Variants in ADAMTSL3 observed in about 807,000 individuals in gnomAD.
The protein encoded by ADAMTSL3 is ADAMTS like 3, also known as ADAMTS-like protein 3.
In ADAMTSL3, 128 loss-of-function variants were observed where a neutral mutation model predicts 201.7. That is an observed-to-expected ratio of 0.63 (90% CI 0.55 to 0.73). ADAMTSL3 has a LOEUF of 0.73. Ranked by LOEUF, ADAMTSL3 falls within the 30% of genes least tolerant of loss-of-function variation. The pLI, the probability that ADAMTSL3 is intolerant of heterozygous loss-of-function variation, is 0.00. For synonymous variants in ADAMTSL3, 738 were observed against 748.4 expected (o/e 0.99, Z 0.23); for missense variants, 1,990 against 2,119.6 (o/e 0.94, Z 1.20).
chr15:84,017,350 C>G (rs1257466422), intron 25 of ADAMTSL3, among the ~76,000 whole-genome samples: 2 of 152,198 alleles, frequency 1.3e-5, no homozygotes, highest in East Asian at 3.9e-4. Flanking sequence ...ATCTCCTGAC[C>G]TCGTGATCCG....
intron 8 of ADAMTSL3, among the ~76,000 whole-genome samples, chr15:83,864,520 TTATCTCAA>T (rs1447694474): frequency 2.0e-5 from 3 of 152,192 alleles, no homozygotes; most frequent in Non-Finnish European, 2.9e-5. Flanking sequence ...AACCACATGA[TTATCTCAA>T]TAGATGCAGA....
At chr15:83,827,168 A>G (rs895511791) in intron 6 of ADAMTSL3, among the ~76,000 whole-genome samples, 10 of 152,168 alleles carry the variant, frequency 6.6e-5, no homozygotes, top group African/African-American at 2.2e-4. Context: ...CCTCTCCAGC[A>G]CCTGTTGTTT....
chr15:83,919,121 G>C (rs1343812468), intron 16 of ADAMTSL3, among the ~76,000 whole-genome samples: 1 of 152,156 alleles, frequency 6.6e-6, no homozygotes, highest in East Asian at 1.9e-4. Context: ...TCCAAGTGGA[G>C]ATGCTAAGTA....
Position 83,982,484 on chromosome 15 carries a change from C to G in ADAMTSL3, c.2856C>G (p.Cys952Trp). Residue 952 changes from cysteine (C) to tryptophan (W), a missense_variant, in exon 21 of 30, where the codon TGC (cysteine) becomes TGG (tryptophan). Physicochemically the swap from Cys to Trp is radical, Grantham distance 215. Coordinates refer to ENST00000286744, the MANE Select transcript of ADAMTSL3 (RefSeq NM_207517.3). The part of the protein sequence containing the change: ...SLIQWEKDGR[C>W]LQNSKRLGIT... ...TCCAGTGGGAGAAGGATGGCCGTTG[C>G]CTGCAGAACTCCAAACGGCTTGGCA... 1 of 1,614,192 alleles carries G rather than the reference C, an allele frequency of 6.2e-7. No individual in the cohort carries two copies. Among genetic ancestry groups the G allele is most frequent in the Non-Finnish European group, 8.5e-7 (1 of 1,180,032 alleles).
At chr15:83,912,246 GT>G (rs780608795) in intron 15 of ADAMTSL3, among the ~76,000 whole-genome samples, 23 of 152,178 alleles carry the variant, frequency 1.5e-4, no homozygotes, top group Non-Finnish European at 3.2e-4. Flanking sequence ...CAGTTCTGTT[GT>G]AGCACAAAAG....
chr15:83,841,477 A>G (rs544746976), intron 7 of ADAMTSL3, among the ~76,000 whole-genome samples: 1 of 152,324 alleles, frequency 6.6e-6, no homozygotes, highest in South Asian at 2.1e-4. Context: ...TTGGATCTCT[A>G]ATTTTAAACT....
chr15:83,680,296 C>A (rs796420378), intron 2 of ADAMTSL3, among the ~76,000 whole-genome samples: 14 of 152,154 alleles, frequency 9.2e-5, no homozygotes, highest in African/African-American at 3.4e-4. Flanking sequence ...CCTAGCCAGT[C>A]TTTTCTCTTC....
At chr15:83,675,916 G>A (rs1466630509) in intron 2 of ADAMTSL3, among the ~76,000 whole-genome samples, 2 of 151,890 alleles carry the variant, frequency 1.3e-5, no homozygotes, top group Admixed American at 6.6e-5. Flanking sequence ...CCTTTTAATG[G>A]TTGCAGGATC....
chr15:83,747,001 G>A (rs919406392), intron 3 of ADAMTSL3, among the ~76,000 whole-genome samples: 4 of 152,166 alleles, frequency 2.6e-5, no homozygotes, highest in African/African-American at 7.2e-5. Flanking sequence ...TGGGGAGTGC[G>A]AATAAAAGGA....
In ADAMTSL3 at chr15:83,830,442, G is replaced by A. The variant is rs1596288302; in HGVS notation, c.601-7647G>A. 3.9e-5 allele frequency among the ~76,000 whole-genome samples: 6 copies of A among 152,282 alleles called. 1 individual carries two copies. Among genetic ancestry groups the A allele is most frequent in the Admixed American group, 3.9e-4 (6 of 15,296 alleles). ...AGTAGCGAGACCATGAAAAACGGAA[G>A]ATAAGGGCGGGTGAGCATTTAAGAA... is the stretch of plus-strand genomic sequence containing the variant. On this transcript the variant is annotated intron_variant, in intron 6 of 29. Coordinates refer to ENST00000286744, the MANE Select transcript of ADAMTSL3 (RefSeq NM_207517.3).
chr15:83,974,030 C>T (rs1567274805), intron 20 of ADAMTSL3, among the ~76,000 whole-genome samples: 1 of 152,040 alleles, frequency 6.6e-6, no homozygotes, highest in African/African-American at 2.4e-5. Flanking sequence ...AACAGCATAC[C>T]CTATAGTCCA....
intron 3 of ADAMTSL3, among the ~76,000 whole-genome samples, chr15:83,709,036 A>G (rs2061896014): frequency 6.6e-6 from 1 of 152,212 alleles, no homozygotes; most frequent in African/African-American, 2.4e-5. Context: ...ATTATCTCCT[A>G]TCCTAAAAAT....
At chr15:83,692,757 G>A (rs1596035979) in intron 2 of ADAMTSL3, among the ~76,000 whole-genome samples, 1 of 150,854 alleles carries the variant, frequency 6.6e-6, no homozygotes, top group Middle Eastern at 3.5e-3. Context: ...CAGCTCCACT[G>A]ATGTGTTCAC....
intron 27 of ADAMTSL3, 96 bp downstream of exon 27, chr15:84,025,532 G>C (rs189305833): frequency 5.8e-6 from 7 of 1,214,438 alleles, no homozygotes; most frequent in South Asian, 3.1e-5. Context: ...CTTTTGGGGC[G>C]GGGGGCAGGA....
intron 16 of ADAMTSL3, among the ~76,000 whole-genome samples, chr15:83,920,886 G>C (rs542530922): frequency 6.6e-6 from 1 of 152,202 alleles, no homozygotes; most frequent in South Asian, 2.1e-4. Context: ...CTGTTTTTGG[G>C]ATTGAGGGGG....
chr15:83,957,210 AT>A, intron 19 of ADAMTSL3, among the ~76,000 whole-genome samples: 1 of 152,240 alleles, frequency 6.6e-6, no homozygotes, highest in African/African-American at 2.4e-5. Flanking sequence ...AAAGGCACAG[AT>A]TTGGGAGAGT....
chr15:84,025,106 C>T (rs192139322), intron 26 of ADAMTSL3, 132 bp from the exon 27 acceptor site: 2 of 691,282 alleles, frequency 2.9e-6, no homozygotes, highest in Non-Finnish European at 4.7e-6. Context: ...TGTGCTGCTT[C>T]CCATTCCCAT....
chr15:83,709,169 C>T (rs551010864), intron 3 of ADAMTSL3, among the ~76,000 whole-genome samples: 1 of 152,280 alleles, frequency 6.6e-6, no homozygotes, highest in Admixed American at 6.5e-5. Flanking sequence ...TTGGAATTAG[C>T]TATGTGGAGA....
At chr15:83,786,964 A>G (rs2063273936) in intron 4 of ADAMTSL3, among the ~76,000 whole-genome samples, 1 of 152,154 alleles carries the variant, frequency 6.6e-6, no homozygotes, top group Admixed American at 6.6e-5. Context: ...ACATGTGATG[A>G]GGACCCAAAT....
Sources: allele counts gnomAD v4.1 joint callset (sites outside exome capture counted in the v4.1 genomes callset), GRCh38; gene constraint gnomAD v4.1.1; transcripts MANE v1.5; gene names NCBI Gene and HGNC (gene_info 2026-07-23, HGNC 2026-07-21).